The following SYCE1 variants were observed in gnomAD, a reference collection of about 807,000 sequenced individuals.
SYCE1 encodes the protein synaptonemal complex central element protein 1, also known as cancer/testis antigen 76.
Under a neutral mutation model 55.1 loss-of-function variants are expected in SYCE1, and 37 were observed. The ratio of observed to expected loss-of-function variants is 0.67; its 90% CI spans 0.52 to 0.88. SYCE1 has a LOEUF of 0.88. Ranked by LOEUF, SYCE1 falls within the 40% of genes least tolerant of loss-of-function variation. SYCE1 has a pLI of 0.00. For missense variants in SYCE1, 399 were observed against 416.4 expected (o/e 0.96, Z 0.36); for synonymous variants, 163 against 159.4 (o/e 1.02, Z -0.17).
chr10:133,559,461 T>C, intron 2 of SYCE1, 101 bp from the exon 3 acceptor site: 1 of 1,189,766 alleles, frequency 8.4e-7, no homozygotes, highest in Non-Finnish European at 1.2e-6. Context: ...ATCTATTGAG[T>C]ACCTCCTGCA....
intron 4 of SYCE1, 126 bp downstream of exon 4, chr10:133,558,751 C>A (rs1439160726): frequency 4.5e-6 from 4 of 885,916 alleles, no homozygotes; most frequent in Non-Finnish European, 7.0e-6. Flanking sequence ...GGGAGATTGG[C>A]AGGACATGAG....
chr10:133,555,549 C>G, intron 11 of SYCE1, 48 bp downstream of exon 11: 2 of 1,603,888 alleles, frequency 1.2e-6, no homozygotes, highest in Non-Finnish European at 1.7e-6. Flanking sequence ...GATACAACAT[C>G]AGTCATCTTC....
chr10:133,559,126 G>A, intron 3 of SYCE1, 175 bp from the exon 4 acceptor site: 2 of 913,162 alleles, frequency 2.2e-6, no homozygotes, highest in Non-Finnish European at 3.4e-6. Context: ...AGGATCATGG[G>A]CATGTAACTA....
upstream of SYCE1, chr10:133,568,125 C>T (rs773000829): frequency 1.9e-5 from 15 of 792,292 alleles, no homozygotes; most frequent in South Asian, 5.7e-5. Flanking sequence ...GCACTGAGGG[C>T]GCCACCCAGC....
At chr10:133,568,114 G>C, upstream of SYCE1, 1 of 748,460 alleles carries the variant, frequency 1.3e-6, no homozygotes, top group Non-Finnish European at 2.3e-6. Context: ...GCAGCCCCAG[G>C]GCACTGAGGG....
chr10:133,557,914 G>C lies in SYCE1; in HGVS notation c.324C>G (p.Thr108=), dbSNP rs760272921. ...LKEILSKKQE[T]LRILRLHCQE... ...GGCAATGCAGCCGGAGGATCCTCAGGGTCTCTGTAGGGAGAGCAACAGGGC... is the reference window on the plus strand; with the variant it reads ...GGCAATGCAGCCGGAGGATCCTCAGCGTCTCTGTAGGGAGAGCAACAGGGC... Residue 108 remains threonine (T), a synonymous_variant, in exon 6 of 13, where the codon ACC becomes ACG. Transcript: ENST00000343131. The C allele has an allele frequency of 1.9e-6, 3 of 1,614,030 alleles. No homozygotes were observed. The highest frequency in any genetic ancestry group is 2.5e-6 in the Non-Finnish European group (3 of 1,180,036).
rs1851612665 is a variant in SYCE1 at position 133,554,851 on chromosome 10, G to A, written c.*141C>T. ...AGATGAGCAATCCAGAGACCAGGAG[G>A]TTAAGGAAGCATTTATTGAAAACCT... On this transcript the variant is annotated 3_prime_UTR_variant, in exon 13 of 13. Coordinates refer to ENST00000343131, the MANE Select transcript of SYCE1 (RefSeq NM_001143764.3). The A allele has an allele frequency of 6.9e-7, 1 of 1,449,098 alleles. No individual in the cohort carries two copies. The highest frequency in any genetic ancestry group is 1.5e-5 in the South Asian group (1 of 67,404). The allele number at this position is 1,449,098 out of a possible 1,614,324, so 89.8% of individuals were successfully genotyped here.
upstream of SYCE1, among the ~76,000 whole-genome samples, chr10:133,567,349 G>T (rs962534043): frequency 3.0e-4 from 46 of 151,764 alleles, no homozygotes; most frequent in Non-Finnish European, 3.7e-4. Context: ...TTGAGGTGGG[G>T]GTTAGGTGTT....
intron 4 of SYCE1, chr10:133,558,456 G>A (rs921565473): frequency 1.0e-5 from 6 of 578,570 alleles, no homozygotes; most frequent in Non-Finnish European, 1.5e-5. Flanking sequence ...ACATGGGGAG[G>A]AGAGAAAAAA....
At chr10:133,554,203 G>A (rs191348552), downstream of SYCE1, 12 of 1,241,776 alleles carry the variant, frequency 9.7e-6, no homozygotes, top group East Asian at 7.0e-5. Flanking sequence ...TAGAGAACTC[G>A]TCTGTCCTGG....
At chr10:133,557,963 T>C (rs8181456) in intron 5 of SYCE1, 45 bp from the exon 6 acceptor site, 175,446 of 1,610,114 alleles carry the variant, frequency 0.11, 11,010 homozygotes, top group East Asian at 0.27. Flanking sequence ...GTCAAGGTAT[T>C]GGGTTTTGGC....
chr10:133,565,522 C>T lies in SYCE1; in HGVS notation c.8G>A (p.Gly3Glu). Reference sequence around the variant, plus strand: ...CTCGGCCTTCGATGTCAGGGACCTCCCCGCCATTTCCTCTCAGCTCGCCAG... The same window carrying T: ...CTCGGCCTTCGATGTCAGGGACCTCTCCGCCATTTCCTCTCAGCTCGCCAG... The part of the protein sequence containing the change: MA[G>E]RSLTSKAEPT... The change falls in exon 1 of 13, where the codon GGG becomes GAG. Residue 3 changes from glycine (G) to glutamate (E), a missense_variant. By Grantham distance (98) the Gly-to-Glu change is moderately conservative. Coordinates refer to ENST00000343131, the MANE Select transcript of SYCE1 (RefSeq NM_001143764.3). 4 of 1,549,972 alleles carry T rather than the reference C, an allele frequency of 2.6e-6. No individual in the cohort carries two copies. Among genetic ancestry groups the T allele is most frequent in the Middle Eastern group, 1.7e-4 (1 of 5,992 alleles).
intron 8 of SYCE1, 57 bp from the exon 9 acceptor site, chr10:133,556,104 G>A: frequency 1.3e-6 from 2 of 1,591,644 alleles, no homozygotes; most frequent in South Asian, 1.1e-5. Context: ...ATGCCTCAAA[G>A]AAGGCTATCT....
chr10:133,555,187 C>T lies in SYCE1; in HGVS notation c.919-58G>A, dbSNP rs74435507. ...ACACCCATCCCCATGGCCACATGGT[C>T]CCCTCCTGCCCCATCACCACCTTGG... On this transcript the variant is annotated intron_variant, in intron 12 of 12. Coordinates refer to ENST00000343131, the MANE Select transcript of SYCE1 (RefSeq NM_001143764.3). 2.4e-3 allele frequency: 3,701 copies of T among 1,526,334 alleles called. 81 individuals are homozygous for T. In the African/African-American group the frequency reaches 0.045, roughly 19 times the overall value. The allele number at this position is 1,526,334 out of a possible 1,614,324, so 94.5% of individuals were successfully genotyped here.
At chr10:133,561,268 T>C (rs537379548) in intron 1 of SYCE1, 4 of 152,276 alleles carry the variant, frequency 2.6e-5, no homozygotes, top group Admixed American at 2.0e-4. Flanking sequence ...CACAAAGGGA[T>C]TCTGAGTAGA....
intron 1 of SYCE1, among the ~76,000 whole-genome samples, 178 bp downstream of exon 1, chr10:133,565,279 G>T (rs1851899856): frequency 1.3e-5 from 2 of 152,192 alleles, no homozygotes; most frequent in South Asian, 2.1e-4. Flanking sequence ...AGACAAAGTG[G>T]GGGGTGTGCG....
At chr10:133,561,514 G>T (rs1851814416) in intron 1 of SYCE1, among the ~76,000 whole-genome samples, 1 of 152,158 alleles carries the variant, frequency 6.6e-6, no homozygotes, top group African/African-American at 2.4e-5. Context: ...TTCCATGAAA[G>T]TTCCTTTCTG....
At chr10:133,561,701 A>G (rs76255630) in intron 1 of SYCE1, among the ~76,000 whole-genome samples, 5,663 of 152,266 alleles carry the variant, frequency 0.037, 150 homozygotes, top group Middle Eastern at 0.085. Flanking sequence ...CCTTATCATT[A>G]GAGTGTCCAG....
At chr10:133,562,993 G>A (rs1589971098) in intron 1 of SYCE1, among the ~76,000 whole-genome samples, 1 of 152,238 alleles carries the variant, frequency 6.6e-6, no homozygotes, top group Admixed American at 6.5e-5. Context: ...GCCGAGGCAC[G>A]GTTGAGAAGG....
Sources: gnomAD v4.1 joint callset for allele counts (sites outside exome capture counted in the v4.1 genomes callset) on GRCh38, gnomAD v4.1.1 for gene constraint, MANE v1.5 for transcripts, NCBI Gene and HGNC (gene_info 2026-07-23, HGNC 2026-07-21) for gene names.